TMEM131: variants seen among roughly 807,000 people sequenced by gnomAD.
TMEM131 encodes the protein transmembrane protein 131.
In TMEM131, 66 loss-of-function variants were observed where a neutral mutation model predicts 211.6. The observed-to-expected ratio is 0.31, with a 90% confidence interval of 0.26 to 0.38. The LOEUF is 0.38. TMEM131 is among the 10% of genes least tolerant of loss of function. The probability of loss-of-function intolerance (pLI) is 1.00; values close to 1 mark genes in which losing one functional copy is unlikely to be tolerated. For synonymous variants in TMEM131, 844 were observed against 841.3 expected, an observed-to-expected ratio of 1.00 and a Z score of -0.06; for missense variants, 2,036 against 2,299.3, an observed-to-expected ratio of 0.89 and a Z score of 2.34.
intron 1 of TMEM131, among the ~76,000 whole-genome samples, chr2:97,993,481 C>T (rs1397171369): frequency 6.6e-6 from 1 of 152,196 alleles, no homozygotes; most frequent in Non-Finnish European, 1.5e-5. Context: ...AAAGGAGAAG[C>T]CATTTCTGGA....
intron 2 of TMEM131, among the ~76,000 whole-genome samples, chr2:97,917,117 G>C (rs142911107): frequency 6.6e-6 from 1 of 152,224 alleles, no homozygotes; most frequent in Admixed American, 6.5e-5. Context: ...AAAAGAAGTT[G>C]GTAATCTATT....
At chr2:97,777,096 C>T (rs543572055) in intron 31 of TMEM131, among the ~76,000 whole-genome samples, 114 of 152,248 alleles carry the variant, frequency 7.5e-4, no homozygotes, top group African/African-American at 2.2e-3. Flanking sequence ...TAGCAAACAA[C>T]AAGCAAGCTC....
chr2:97,885,003 C>T (rs900565984), intron 4 of TMEM131, among the ~76,000 whole-genome samples: 2 of 152,188 alleles, frequency 1.3e-5, no homozygotes, highest in Admixed American at 6.5e-5. Context: ...TTTTTCTGTG[C>T]TTGGGTGGTT....
intron 35 of TMEM131, chr2:97,764,898 G>C (rs1428423072): frequency 6.6e-6 from 1 of 152,236 alleles, no homozygotes; most frequent in African/African-American, 2.4e-5. Flanking sequence ...CTGCATGCTT[G>C]TGTCATTACG....
chr2:97,939,502 A>G (rs1325749326), intron 1 of TMEM131, among the ~76,000 whole-genome samples: 4 of 152,230 alleles, frequency 2.6e-5, no homozygotes, highest in Non-Finnish European at 2.9e-5. Flanking sequence ...GAATAGACCA[A>G]TAACAGGCTC....
chr2:97,845,090 T>C (rs1019375185), intron 5 of TMEM131, among the ~76,000 whole-genome samples: 3 of 151,770 alleles, frequency 2.0e-5, no homozygotes, highest in Non-Finnish European at 4.4e-5. Context: ...TTGTAATTAT[T>C]CTTTTGTTGC....
Position 97,766,467 on chromosome 2 carries a change from G to A in TMEM131, c.4573+11C>T, listed in dbSNP as rs976198505. On this transcript the variant is annotated intron_variant, in intron 34 of 40. Transcript: ENST00000186436. ...CGTAAGACATGATCATAGAGAACAA[G>A]ATGACAATACCTTTTGTTTTCTGGG... 9.3e-6 allele frequency: 15 copies of A among 1,613,802 alleles called. No homozygotes were observed. In the Admixed American group the frequency reaches 1.3e-4, roughly 14 times the overall value.
intron 1 of TMEM131, among the ~76,000 whole-genome samples, chr2:97,953,862 C>G (rs567043653): frequency 6.6e-6 from 1 of 152,226 alleles, no homozygotes; most frequent in South Asian, 2.1e-4. Context: ...ACAATGTAAT[C>G]AGACTAGAAA....
At chr2:97,885,357 A>C (rs1249709650) in intron 4 of TMEM131, among the ~76,000 whole-genome samples, 3 of 149,954 alleles carry the variant, frequency 2.0e-5, no homozygotes, top group African/African-American at 5.0e-5. Flanking sequence ...ACGCCCAGCT[A>C]ATTTTTTTTT....
At chr2:97,931,165 A>T (rs1208375501) in intron 1 of TMEM131, among the ~76,000 whole-genome samples, 1 of 151,798 alleles carries the variant, frequency 6.6e-6, no homozygotes, top group African/African-American at 2.4e-5. Context: ...TGAGGAAAGG[A>T]AGATTTACAA....
chr2:97,905,303 G>T (rs1030331862), intron 3 of TMEM131, among the ~76,000 whole-genome samples: 1 of 152,172 alleles, frequency 6.6e-6, no homozygotes, highest in African/African-American at 2.4e-5. Context: ...TGTCCTTGAT[G>T]AACAACCAGC....
intron 2 of TMEM131, among the ~76,000 whole-genome samples, chr2:97,918,501 T>A (rs1676604913): frequency 6.6e-6 from 1 of 152,052 alleles, no homozygotes; most frequent in South Asian, 2.1e-4. Context: ...TACAGAAAAT[T>A]CACACCATAA....
intron 5 of TMEM131, among the ~76,000 whole-genome samples, chr2:97,856,902 T>C (rs1673871506): frequency 2.6e-5 from 4 of 152,242 alleles, no homozygotes; most frequent in Admixed American, 2.6e-4. Context: ...ATCTTGACTA[T>C]TTAAATGTGG....
At chr2:97,789,143 A>G (rs904473151) in intron 31 of TMEM131, among the ~76,000 whole-genome samples, 5 of 152,206 alleles carry the variant, frequency 3.3e-5, no homozygotes, top group African/African-American at 1.2e-4. Flanking sequence ...CAAGGTCACA[A>G]ATAATGTCCT....
chr2:97,906,873 T>G (rs1672649667), intron 3 of TMEM131, among the ~76,000 whole-genome samples: 1 of 152,186 alleles, frequency 6.6e-6, no homozygotes, highest in Non-Finnish European at 1.5e-5. Flanking sequence ...ATGGTTATTT[T>G]ATGCCACTAA....
At chr2:97,789,061 T>C (rs1053465505) in intron 31 of TMEM131, among the ~76,000 whole-genome samples, 3 of 152,226 alleles carry the variant, frequency 2.0e-5, no homozygotes, top group Non-Finnish European at 2.9e-5. Flanking sequence ...CAGTCTGATG[T>C]GAAAGTTACT....
At chr2:97,993,595 C>A (rs1048385035) in intron 1 of TMEM131, among the ~76,000 whole-genome samples, 1 of 152,166 alleles carries the variant, frequency 6.6e-6, no homozygotes, top group Non-Finnish European at 1.5e-5. Context: ...GATAACCGCA[C>A]ACACAAATTG....
chr2:97,895,527 T>C (rs755195722), intron 3 of TMEM131, among the ~76,000 whole-genome samples: 7 of 152,232 alleles, frequency 4.6e-5, no homozygotes, highest in Non-Finnish European at 1.0e-4. Context: ...AGGCTATTAA[T>C]CACTGCCTCA....
intron 1 of TMEM131, among the ~76,000 whole-genome samples, chr2:97,961,735 G>A (rs190283372): frequency 7.9e-5 from 12 of 152,252 alleles, no homozygotes; most frequent in Non-Finnish European, 1.5e-5. Context: ...GCAAATACAT[G>A]GTCAACTGAG....
Sources: allele counts gnomAD v4.1 joint callset (sites outside exome capture counted in the v4.1 genomes callset), GRCh38; gene constraint gnomAD v4.1.1; transcripts MANE v1.5; gene names NCBI Gene and HGNC (gene_info 2026-07-23, HGNC 2026-07-21).